SGCD: variants seen among roughly 807,000 people sequenced by gnomAD.
The protein encoded by SGCD is delta-sarcoglycan.
A neutral mutation model predicts 36.6 loss-of-function variants in SGCD; 18 were observed. That is an observed-to-expected ratio of 0.49 (90% CI 0.34 to 0.73). SGCD has a LOEUF of 0.73. Among genes scored for constraint, SGCD ranks in the 30% least tolerant of loss-of-function variants. SGCD has a pLI of 0.01. For synonymous variants in SGCD, 133 were observed against 130.6 expected (o/e 1.02, Z -0.12); for missense variants, 387 against 346.7 (o/e 1.12, Z -0.92).
At chr5:156,450,034 G>A (rs142399700) in intron 3 of SGCD, among the ~76,000 whole-genome samples, 129 of 152,212 alleles carry the variant, frequency 8.5e-4, no homozygotes, top group African/African-American at 2.9e-3. Context: ...AAGGATGTGA[G>A]CATCTGGGTA....
chr5:156,175,636 A>C (rs1763447964), intron 3 of SGCD, among the ~76,000 whole-genome samples: 1 of 152,214 alleles, frequency 6.6e-6, no homozygotes, highest in South Asian at 2.1e-4. Context: ...AGGAGTTTCC[A>C]GTTTTAATTT....
the SGCD span, among the ~76,000 whole-genome samples, chr5:155,782,680 G>T: frequency 6.6e-6 from 1 of 152,144 alleles, no homozygotes; most frequent in Non-Finnish European, 1.5e-5. Flanking sequence ...GTGAGCAGGG[G>T]GCAAATGAGC....
At chr5:156,631,863 C>G (rs930236124) in intron 6 of SGCD, among the ~76,000 whole-genome samples, 2 of 152,076 alleles carry the variant, frequency 1.3e-5, no homozygotes, top group African/African-American at 4.8e-5. Flanking sequence ...ACAGTTCTTC[C>G]TGCTTTAGTG....
chr5:156,376,431 T>A (rs928566949), intron 3 of SGCD, among the ~76,000 whole-genome samples: 3 of 152,238 alleles, frequency 2.0e-5, no homozygotes, highest in African/African-American at 7.2e-5. Context: ...CTTCAAAATA[T>A]GAAAGGTGAA....
At chr5:156,630,365 A>G (rs1302404759) in intron 6 of SGCD, among the ~76,000 whole-genome samples, 5 of 152,186 alleles carry the variant, frequency 3.3e-5, no homozygotes, top group Admixed American at 6.5e-5. Context: ...GGACAAATGG[A>G]TAGATGGACA....
intron 1 of SGCD, among the ~76,000 whole-genome samples, chr5:156,092,380 A>G (rs1342842787): frequency 6.6e-6 from 1 of 152,188 alleles, no homozygotes; most frequent in African/African-American, 2.4e-5. Flanking sequence ...CAGGTGATTT[A>G]GGACTAGAAT....
At chr5:156,417,460 T>G (rs1773104831) in intron 3 of SGCD, among the ~76,000 whole-genome samples, 1 of 152,150 alleles carries the variant, frequency 6.6e-6, no homozygotes, top group South Asian at 2.1e-4. Flanking sequence ...AGAGAAAGAC[T>G]TGAGTGTCGT....
chr5:155,859,756 A>G, the SGCD span, among the ~76,000 whole-genome samples: 1 of 152,190 alleles, frequency 6.6e-6, no homozygotes, highest in Non-Finnish European at 1.5e-5. Flanking sequence ...GCCTGAGACT[A>G]GTGTTCAGGG....
intron 1 of SGCD, among the ~76,000 whole-genome samples, chr5:155,879,902 T>C (rs1755845992): frequency 6.6e-6 from 1 of 152,200 alleles, no homozygotes; most frequent in South Asian, 2.1e-4. Flanking sequence ...TAGATCTTAG[T>C]ATCTTATGTT....
intron 1 of SGCD, among the ~76,000 whole-genome samples, chr5:156,113,331 G>GCATT (rs1393656037): frequency 4.6e-5 from 7 of 151,910 alleles, no homozygotes; most frequent in African/African-American, 1.5e-4. Flanking sequence ...TTTTTCCTTT[G>GCATT]CATTTATTTA....
chr5:155,820,195 T>C, the SGCD span, among the ~76,000 whole-genome samples: 3 of 152,166 alleles, frequency 2.0e-5, no homozygotes, highest in Non-Finnish European at 4.4e-5. Context: ...TTCATCAAAG[T>C]CTTAGTATTT....
the SGCD span, among the ~76,000 whole-genome samples, chr5:155,755,108 T>A: frequency 1.2e-4 from 18 of 152,194 alleles, no homozygotes; most frequent in African/African-American, 4.1e-4. Context: ...ATGCTACATT[T>A]TCCTAGAATA....
intron 3 of SGCD, among the ~76,000 whole-genome samples, chr5:156,177,043 C>A (rs1581148742): frequency 6.6e-6 from 1 of 152,006 alleles, no homozygotes; most frequent in Non-Finnish European, 1.5e-5. Context: ...GCTCTGTTGC[C>A]CAGGCTGGAG....
At chr5:156,725,170 G>A (rs1429799838) in intron 7 of SGCD, among the ~76,000 whole-genome samples, 7 of 152,172 alleles carry the variant, frequency 4.6e-5, no homozygotes, top group Non-Finnish European at 7.3e-5. Context: ...TCATGGAGAC[G>A]TTGATCAACA....
chr5:155,934,709 C>T (rs1195652486), intron 1 of SGCD, among the ~76,000 whole-genome samples: 1 of 152,192 alleles, frequency 6.6e-6, no homozygotes, highest in Non-Finnish European at 1.5e-5. Context: ...GAAAACTCCT[C>T]ACTCTATGAT....
At chr5:156,296,145 C>T (rs1186447711) in intron 3 of SGCD, among the ~76,000 whole-genome samples, 1 of 152,126 alleles carries the variant, frequency 6.6e-6, no homozygotes, top group African/African-American at 2.4e-5. Context: ...CCCACTGTGA[C>T]TGAAAGGTGA....
At chr5:156,614,714 G>A (rs933781382) in intron 6 of SGCD, among the ~76,000 whole-genome samples, 4 of 152,068 alleles carry the variant, frequency 2.6e-5, no homozygotes, top group Non-Finnish European at 5.9e-5. Flanking sequence ...CCCTAAATCT[G>A]TACTTGCCTC....
chr5:156,101,964 G>C (rs944328399), intron 1 of SGCD, among the ~76,000 whole-genome samples: 1 of 151,192 alleles, frequency 6.6e-6, no homozygotes. Context: ...GAGAGAGAGA[G>C]AGAGAAGCTG....
At chr5:155,962,918 C>T (rs144097474) in intron 1 of SGCD, among the ~76,000 whole-genome samples, 106 of 152,272 alleles carry the variant, frequency 7.0e-4, no homozygotes, top group African/African-American at 2.5e-3. Context: ...GGCAACTCTG[C>T]TAGTGCTTAT....
Sources: allele counts gnomAD v4.1 joint callset (sites outside exome capture counted in the v4.1 genomes callset), GRCh38; gene constraint gnomAD v4.1.1; transcripts MANE v1.5; gene names NCBI Gene and HGNC (gene_info 2026-07-23, HGNC 2026-07-21).